The following GOLGA4 variants were observed in gnomAD, a reference collection of about 807,000 sequenced individuals.
GOLGA4 encodes the protein golgin subfamily A member 4.
GOLGA4 carries 169 observed loss-of-function variants against 265.9 expected under a neutral mutation model. That is an observed-to-expected ratio of 0.64 (90% CI 0.56 to 0.72). The LOEUF is 0.72. Among genes scored for constraint, GOLGA4 ranks in the 30% least tolerant of loss-of-function variants. GOLGA4 has a pLI of 0.00. For synonymous variants in GOLGA4, 923 were observed against 855.8 expected, an observed-to-expected ratio of 1.08 and a Z score of -1.37; for missense variants, 2,482 against 2,483.4, an observed-to-expected ratio of 1.00 and a Z score of 0.01.
chr3:37,327,229 A>G lies in GOLGA4; in HGVS notation c.5343A>G (p.Glu1781=), dbSNP rs768970942. ...ACCAGGAGCGCTTAATAAAGCTAGAACATGCTGAGGCAAAGCAACATGAAG... is the reference window on the plus strand; with the variant it reads ...ACCAGGAGCGCTTAATAAAGCTAGAGCATGCTGAGGCAAAGCAACATGAAG... ...CQYQERLIKL[E]HAEAKQHEDQ... Residue 1781 remains glutamate, a synonymous_variant, in exon 14 of 24, where the codon GAA becomes GAG. Coordinates refer to ENST00000361924, the MANE Select transcript of GOLGA4 (RefSeq NM_002078.5). 5 of 1,613,952 alleles carry G rather than the reference A, an allele frequency of 3.1e-6. No homozygotes were observed. In the Admixed American group the frequency reaches 6.7e-5, roughly 22 times the overall value.
chr3:37,251,423 GA>G lies in GOLGA4; in HGVS notation c.103del (p.Met35Ter). 6.2e-7 allele frequency: 1 copy of G among 1,612,836 alleles called. No individual in the cohort carries two copies. Among genetic ancestry groups the G allele is most frequent in the African/African-American group, 1.3e-5 (1 of 74,992 alleles). ...QASSNSSTPT[R>X]MRSRTSSFTE... is the part of the protein sequence containing the mutation. Reference sequence around the variant, plus strand: ...TCCTCCAATTCTTCAACACCAACAAGAATGAGGAGCAGGACATCTTCATTTA... The same window carrying G: ...TCCTCCAATTCTTCAACACCAACAAGATGAGGAGCAGGACATCTTCATTTA... On this transcript the variant is annotated frameshift_variant, in exon 2 of 24. Transcript: ENST00000361924. LOFTEE classifies it high-confidence loss of function.
chr3:37,333,355 G>A (rs545021364), intron 16 of GOLGA4, among the ~76,000 whole-genome samples: 4 of 152,048 alleles, frequency 2.6e-5, no homozygotes, highest in Non-Finnish European at 5.9e-5. Flanking sequence ...TTTTCTTAGT[G>A]TTTTTACTTC....
chr3:37,273,739 G>T, intron 2 of GOLGA4: 1 of 573,158 alleles, frequency 1.7e-6, no homozygotes, highest in Non-Finnish European at 3.1e-6. Context: ...GTAAACACAG[G>T]TTTGCTCATG....
intron 5 of GOLGA4, among the ~76,000 whole-genome samples, chr3:37,291,213 A>T (rs1317797826): frequency 6.6e-6 from 1 of 152,160 alleles, no homozygotes; most frequent in African/African-American, 2.4e-5. Flanking sequence ...TATGCATTGA[A>T]TAAAGACACA....
chr3:37,319,286 A>G (rs1262945888), intron 12 of GOLGA4, 92 bp downstream of exon 12: 2 of 1,004,028 alleles, frequency 2.0e-6, no homozygotes, highest in African/African-American at 3.3e-5. Context: ...GTTGGAAGTC[A>G]GACTACTGGC....
intron 2 of GOLGA4, among the ~76,000 whole-genome samples, chr3:37,274,768 T>C (rs2096809504): frequency 6.6e-6 from 1 of 152,134 alleles, no homozygotes; most frequent in African/African-American, 2.4e-5. Flanking sequence ...ATGACTATTA[T>C]CATCATCCTG....
chr3:37,359,131 T>A (rs543986742), intron 22 of GOLGA4, among the ~76,000 whole-genome samples: 6 of 152,276 alleles, frequency 3.9e-5, no homozygotes, highest in African/African-American at 1.2e-4. Context: ...CTCCTCTCAA[T>A]TTTTAGTTTA....
At chr3:37,254,747 C>T (rs1221255586) in intron 2 of GOLGA4, among the ~76,000 whole-genome samples, 1 of 151,234 alleles carries the variant, frequency 6.6e-6, no homozygotes, top group Non-Finnish European at 1.5e-5. Context: ...CGCGATCTGC[C>T]TGCCTCGGCC....
chr3:37,301,844 A>C (rs1157621682), intron 9 of GOLGA4, among the ~76,000 whole-genome samples: 1 of 152,018 alleles, frequency 6.6e-6, no homozygotes, highest in South Asian at 2.1e-4. Flanking sequence ...GCTGGAGTGC[A>C]ATGGCGTGAT....
chr3:37,289,387 T>C (rs75862470), intron 5 of GOLGA4, 96 bp downstream of exon 5: 37,786 of 725,226 alleles, frequency 0.052, 1,409 homozygotes, highest in Admixed American at 0.15. Flanking sequence ...TGCATCTCAT[T>C]AGTTATACTA....
At chr3:37,364,442 A>G (rs972596948) in intron 23 of GOLGA4, among the ~76,000 whole-genome samples, 6 of 151,886 alleles carry the variant, frequency 4.0e-5, no homozygotes, top group African/African-American at 1.2e-4. Flanking sequence ...GGGTTTCACC[A>G]TGTTGGCCAG....
chr3:37,346,965 A>T (rs2097058498), intron 20 of GOLGA4, among the ~76,000 whole-genome samples: 1 of 152,238 alleles, frequency 6.6e-6, no homozygotes, highest in South Asian at 2.1e-4. Context: ...AGGAGGAAGG[A>T]AAAAGATGTG....
chr3:37,278,241 C>T (rs2096824875), intron 2 of GOLGA4, among the ~76,000 whole-genome samples: 1 of 150,452 alleles, frequency 6.6e-6, no homozygotes, highest in Non-Finnish European at 1.5e-5. Flanking sequence ...CTCTTTTTGC[C>T]CAGGCTGGAG....
At position 37,366,836 on chromosome 3, in the gene GOLGA4, A is replaced by G. The variant is rs1427818326; in HGVS notation, c.*790A>G. The G allele has an allele frequency of 1.3e-5, 2 of 152,240 alleles. No individual in the cohort carries two copies. Among genetic ancestry groups the G allele is most frequent in the Non-Finnish European group, 2.9e-5 (2 of 68,040 alleles). 9.4% of individuals were successfully genotyped at this position (152,240 alleles called of 1,614,324 possible). ...TTCTATTTGGATGAATTTAGTGAGG[A>G]ATTATTTGTCAATATAACTAAATGC... On this transcript the variant is annotated 3_prime_UTR_variant, in exon 24 of 24. Coordinates refer to ENST00000361924, the MANE Select transcript of GOLGA4 (RefSeq NM_002078.5).
intron 2 of GOLGA4, chr3:37,276,027 A>G (rs552736828): frequency 4.0e-5 from 65 of 1,612,998 alleles, no homozygotes; most frequent in East Asian, 3.8e-4. Context: ...TCCAGCGGCA[A>G]TGTAAGCAAC....
intron 12 of GOLGA4, 87 bp downstream of exon 12, chr3:37,319,281 A>G: frequency 2.8e-6 from 3 of 1,057,138 alleles, no homozygotes; most frequent in Non-Finnish European, 2.7e-6. Flanking sequence ...TTCCAGTTGG[A>G]AGTCAGACTA....
intron 22 of GOLGA4, among the ~76,000 whole-genome samples, chr3:37,356,445 T>C (rs2151073819): frequency 6.6e-6 from 1 of 152,298 alleles, no homozygotes; most frequent in South Asian, 2.1e-4. Flanking sequence ...TTTGCTATTA[T>C]TTTGGTTAGC....
intron 1 of GOLGA4, among the ~76,000 whole-genome samples, chr3:37,247,817 G>T (rs2096723531): frequency 6.6e-6 from 1 of 152,130 alleles, no homozygotes; most frequent in Admixed American, 6.5e-5. Context: ...ATTTCTTGCT[G>T]ACCACTTTCG....
chr3:37,259,889 A>G (rs2096764599), intron 2 of GOLGA4, among the ~76,000 whole-genome samples: 1 of 152,176 alleles, frequency 6.6e-6, no homozygotes, highest in Non-Finnish European at 1.5e-5. Context: ...AAGGCTTTCT[A>G]TGTAGTAAAA....
Sources: allele counts gnomAD v4.1 joint callset (sites outside exome capture counted in the v4.1 genomes callset), GRCh38; gene constraint gnomAD v4.1.1; transcripts MANE v1.5; gene names NCBI Gene and HGNC (gene_info 2026-07-23, HGNC 2026-07-21).